Variants in KRABD2 observed in about 807,000 individuals in gnomAD.
KRABD2 encodes KRAB domain-containing protein 2.
At chr17:8,370,466 C>T in the KRABD2 span, 1 of 866,668 alleles carries the variant, frequency 1.2e-6, no homozygotes, top group Non-Finnish European at 1.8e-6. Flanking sequence ...AGTTCCTCAT[C>T]AATTCTTTCA....
chr17:8,364,174 A>G, the KRABD2 span, among the ~76,000 whole-genome samples: 16 of 151,986 alleles, frequency 1.1e-4, no homozygotes, highest in South Asian at 4.2e-4. This position sits in a 1 kb window ranked among gnomAD's most constrained non-coding sequence, Gnocchi z 4.4. Context: ...CAGCCCCCCA[A>G]TATTTTTATC....
At chr17:8,363,830 C>CATATATATATATATAT in the KRABD2 span, among the ~76,000 whole-genome samples, 2 of 86,982 alleles carry the variant, frequency 2.3e-5, no homozygotes, top group African/African-American at 1.1e-4. Context: ...ATATATCATA[C>CATATATATATATATAT]ATATATATAT....
chr17:8,361,347 G>A, the KRABD2 span, among the ~76,000 whole-genome samples: 1 of 152,118 alleles, frequency 6.6e-6, no homozygotes, highest in Non-Finnish European at 1.5e-5. Context: ...TGGTTCAATT[G>A]TCTGTCACCT....
At chr17:8,370,806 T>C in the KRABD2 span, among the ~76,000 whole-genome samples, 1 of 152,172 alleles carries the variant, frequency 6.6e-6, no homozygotes, top group South Asian at 2.1e-4. Flanking sequence ...AGGTACCACA[T>C]AATAACAGCA....
At chr17:8,363,800 CATATATATATCATACAT>C in the KRABD2 span, among the ~76,000 whole-genome samples, 2 of 121,422 alleles carry the variant, frequency 1.6e-5, no homozygotes, top group African/African-American at 6.5e-5. Flanking sequence ...ATATATCATA[CATATATATATCATACAT>C]ATATATATCA....
At chr17:8,368,103 A>T in the KRABD2 span, among the ~76,000 whole-genome samples, 54 of 152,106 alleles carry the variant, frequency 3.6e-4, no homozygotes, top group Middle Eastern at 3.4e-3. Context: ...AATGAAAAAA[A>T]AAATAAATAA....
At chr17:8,364,412 A>T in the KRABD2 span, among the ~76,000 whole-genome samples, 1 of 151,838 alleles carries the variant, frequency 6.6e-6, no homozygotes, top group African/African-American at 2.4e-5. This position sits in a 1 kb window ranked among gnomAD's most constrained non-coding sequence, Gnocchi z 4.4. Context: ...CAGTGTGGTG[A>T]TACGATCATG....
chr17:8,375,535 CA>C, the KRABD2 span, among the ~76,000 whole-genome samples: 626 of 90,968 alleles, frequency 6.9e-3, 5 homozygotes, highest in African/African-American at 0.026. Flanking sequence ...TTTTTTCTTT[CA>C]TTTTTTTTTT....
the KRABD2 span, chr17:8,368,880 G>C: frequency 8.6e-6 from 4 of 466,612 alleles, no homozygotes; most frequent in Non-Finnish European, 1.1e-5. Flanking sequence ...CAAGTGACCC[G>C]CCCACCTTGG....
chr17:8,364,700 A>C, the KRABD2 span, among the ~76,000 whole-genome samples: 5 of 151,660 alleles, frequency 3.3e-5, no homozygotes, highest in Non-Finnish European at 7.4e-5. This position sits in a 1 kb window ranked among gnomAD's most constrained non-coding sequence, Gnocchi z 4.4. Context: ...TTTTATATGA[A>C]CTCTCCAGTG....
the KRABD2 span, among the ~76,000 whole-genome samples, chr17:8,366,934 C>T: frequency 1.3e-5 from 2 of 151,652 alleles, no homozygotes; most frequent in Non-Finnish European, 2.9e-5. Context: ...GTTGGCCAGG[C>T]GGGTCTCGAA....
chr17:8,368,851 A>C, the KRABD2 span: 1 of 356,050 alleles, frequency 2.8e-6, no homozygotes, highest in Non-Finnish European at 5.1e-6. Context: ...TGGCCAGGCT[A>C]GTCTTGAACT....
At chr17:8,360,248 A>C in the KRABD2 span, among the ~76,000 whole-genome samples, 1 of 152,116 alleles carries the variant, frequency 6.6e-6, no homozygotes, top group Non-Finnish European at 1.5e-5. Flanking sequence ...CCAAATTTTA[A>C]ATGGAAAAGG....
the KRABD2 span, among the ~76,000 whole-genome samples, chr17:8,370,547 A>C: frequency 6.6e-6 from 1 of 152,250 alleles, no homozygotes; most frequent in Non-Finnish European, 1.5e-5. Flanking sequence ...TAGAAAGCCA[A>C]CTAGCACCAT....
At chr17:8,367,571 G>A in the KRABD2 span, among the ~76,000 whole-genome samples, 276 of 151,400 alleles carry the variant, frequency 1.8e-3, no homozygotes, top group African/African-American at 6.4e-3. Flanking sequence ...GCTGAGGCAG[G>A]AGAATTGCTT....
the KRABD2 span, among the ~76,000 whole-genome samples, chr17:8,365,035 G>C: frequency 6.7e-6 from 1 of 148,604 alleles, no homozygotes; most frequent in African/African-American, 2.5e-5. Flanking sequence ...ACTCTGTTTA[G>C]AAAAAAAAAA....
chr17:8,371,118 C>T, the KRABD2 span, among the ~76,000 whole-genome samples: 119 of 151,844 alleles, frequency 7.8e-4, 1 homozygote, highest in Non-Finnish European at 1.4e-3. Context: ...TGCAGTGAGC[C>T]GAGATTATAC....
At chr17:8,369,394 G>A in the KRABD2 span, 2 of 1,614,092 alleles carry the variant, frequency 1.2e-6, no homozygotes, top group African/African-American at 1.3e-5. Flanking sequence ...GCCTCAAATG[G>A]ACTTTGCTGC....
chr17:8,365,598 A>G, the KRABD2 span: 7 of 152,284 alleles, frequency 4.6e-5, no homozygotes, highest in Admixed American at 3.9e-4. Flanking sequence ...CAATGAGCAG[A>G]GGTCTCCCAC....
Sources: allele counts gnomAD v4.1 joint callset (sites outside exome capture counted in the v4.1 genomes callset), GRCh38; gene constraint gnomAD v4.1.1; non-coding constraint Gnocchi (gnomAD v3.1); transcripts MANE v1.5; gene names NCBI Gene and HGNC (gene_info 2026-07-23, HGNC 2026-07-21).